Variants in DENND5B observed in about 807,000 individuals in gnomAD.
DENND5B encodes DENN domain-containing protein 5B.
DENND5B carries 34 observed loss-of-function variants against 140.6 expected under a neutral mutation model. The observed-to-expected ratio is 0.24, with a 90% CI of 0.18 to 0.32. The LOEUF (loss-of-function observed/expected upper bound fraction) is 0.32, where lower values mean the gene tolerates loss of function less well. DENND5B is among the 10% of genes least tolerant of loss of function. The pLI is 1.00. For missense variants in DENND5B, 1,142 were observed against 1,560.2 expected (o/e 0.73, Z 4.52); for synonymous variants, 551 against 562.1 (o/e 0.98, Z 0.28).
rs149893561 is a variant in DENND5B at position 31,583,161 on chromosome 12, G to A, written c.127+7545C>T. ...ACAAAAAGTAGCCAGGTGTGGTGGCGTGTGCCTGTAATCCCAGCTACTCAG... is the reference window on the plus strand; with the variant it reads ...ACAAAAAGTAGCCAGGTGTGGTGGCATGTGCCTGTAATCCCAGCTACTCAG... On this transcript the variant is annotated intron_variant, in intron 1 of 20. Transcript: ENST00000389082. Among the ~76,000 whole-genome samples the A allele has an allele frequency of 3.2e-4, 49 of 152,066 alleles. No individual in the cohort carries two copies. The East Asian group carries it at 9.1e-3, about 28-fold the overall frequency.
intron 1 of DENND5B, among the ~76,000 whole-genome samples, chr12:31,564,561 CTATTA>C (rs1555174408): frequency 7.3e-6 from 1 of 136,062 alleles, no homozygotes; most frequent in Non-Finnish European, 1.6e-5. Flanking sequence ...TCTTTTCATT[CTATTA>C]TTATTATTAT....
chr12:31,512,162 G>A (rs147489987), intron 1 of DENND5B, among the ~76,000 whole-genome samples: 10,629 of 151,558 alleles, frequency 0.07, 476 homozygotes, highest in Middle Eastern at 0.2. Flanking sequence ...TGATCTGCCC[G>A]CCTCGGCCTC....
At chr12:31,437,205 C>G (rs915958576) in intron 7 of DENND5B, among the ~76,000 whole-genome samples, 2 of 150,768 alleles carry the variant, frequency 1.3e-5, no homozygotes, top group Admixed American at 1.3e-4. Flanking sequence ...TGCAGTGGCA[C>G]AATCTTGGCT....
chr12:31,580,891 A>G (rs867063746), intron 1 of DENND5B, among the ~76,000 whole-genome samples: 4 of 152,214 alleles, frequency 2.6e-5, no homozygotes, highest in South Asian at 2.1e-4. Context: ...GGATCCCTTG[A>G]GCCCAGGAGT....
intron 17 of DENND5B, among the ~76,000 whole-genome samples, chr12:31,394,834 C>T (rs991449206): frequency 3.9e-5 from 6 of 152,164 alleles, no homozygotes; most frequent in Middle Eastern, 3.4e-3. Flanking sequence ...AGGATGGTCT[C>T]GATCTGCTGA....
At chr12:31,417,356 C>CAAAAAAAAAAAAA (rs767142927) in intron 11 of DENND5B, among the ~76,000 whole-genome samples, 1 of 40,090 alleles carries the variant, frequency 2.5e-5, no homozygotes, top group Non-Finnish European at 5.4e-5. Flanking sequence ...GACTCTGTCT[C>CAAAAAAAAAAAAA]AAAAAAAAAA....
intron 1 of DENND5B, among the ~76,000 whole-genome samples, chr12:31,504,604 C>T (rs182970054): frequency 1.6e-4 from 24 of 152,308 alleles, no homozygotes; most frequent in African/African-American, 5.1e-4. Flanking sequence ...CACTCTCCTC[C>T]CTAAACCTTC....
chr12:31,587,152 C>G (rs1051655242), intron 1 of DENND5B, among the ~76,000 whole-genome samples: 1 of 152,082 alleles, frequency 6.6e-6, no homozygotes, highest in Non-Finnish European at 1.5e-5. Context: ...TATACTCAAC[C>G]CTTAAGTAAT....
chr12:31,513,288 T>C (rs1591958832), intron 1 of DENND5B, among the ~76,000 whole-genome samples: 1 of 152,190 alleles, frequency 6.6e-6, no homozygotes, highest in African/African-American at 2.4e-5. Context: ...TAAGATAGTG[T>C]TCTTCAGGCT....
intron 1 of DENND5B, among the ~76,000 whole-genome samples, chr12:31,512,499 T>G (rs1947467315): frequency 6.6e-6 from 1 of 152,000 alleles, no homozygotes; most frequent in Non-Finnish European, 1.5e-5. Context: ...CTCAAAGTGC[T>G]GGGATTAGAG....
intron 6 of DENND5B, 106 bp downstream of exon 6, chr12:31,447,432 T>A (rs1339420436): frequency 6.0e-6 from 6 of 1,004,894 alleles, no homozygotes; most frequent in Non-Finnish European, 8.6e-6. Context: ...GGATTAGCCA[T>A]GAAGTCTAAA....
intron 4 of DENND5B, among the ~76,000 whole-genome samples, chr12:31,457,760 C>T (rs1565598312): frequency 6.6e-6 from 1 of 151,588 alleles, no homozygotes; most frequent in African/African-American, 2.4e-5. Context: ...GTCGCCCAGG[C>T]TGGAGTGCAG....
chr12:31,425,041 G>A (rs1052452603), intron 9 of DENND5B, among the ~76,000 whole-genome samples: 1 of 152,168 alleles, frequency 6.6e-6, no homozygotes, highest in Non-Finnish European at 1.5e-5. Context: ...GGCTGGGCAT[G>A]GTGGCTCACA....
At chr12:31,530,839 G>A (rs903736194) in intron 1 of DENND5B, among the ~76,000 whole-genome samples, 3 of 152,316 alleles carry the variant, frequency 2.0e-5, no homozygotes, top group Admixed American at 2.0e-4. Flanking sequence ...TTAAGTTGCT[G>A]CTATCAAAGT....
chr12:31,469,243 A>C (rs1270060633), intron 3 of DENND5B, among the ~76,000 whole-genome samples: 1 of 151,272 alleles, frequency 6.6e-6, no homozygotes, highest in Non-Finnish European at 1.5e-5. Flanking sequence ...CTGAGGCAGG[A>C]GAATCACCTG....
chr12:31,448,928 T>C (rs1017102349), intron 5 of DENND5B, among the ~76,000 whole-genome samples: 1 of 152,262 alleles, frequency 6.6e-6, no homozygotes, highest in African/African-American at 2.4e-5. Flanking sequence ...CAATAAGCTG[T>C]ACACCTTTCC....
intron 7 of DENND5B, among the ~76,000 whole-genome samples, chr12:31,435,264 A>ACCCT (rs1943691215): frequency 6.6e-6 from 1 of 152,136 alleles, no homozygotes; most frequent in African/African-American, 2.4e-5. Flanking sequence ...ACCCTCAGGT[A>ACCCT]CCCTTGCCTC....
chr12:31,424,492 G>A (rs1663656242), intron 10 of DENND5B, 43 bp downstream of exon 10: 2 of 1,564,584 alleles, frequency 1.3e-6, no homozygotes, highest in Non-Finnish European at 1.7e-6. Context: ...TCTTAACAGG[G>A]CTCTTAACTG....
rs998383355 is a variant in DENND5B at position 31,591,003 on chromosome 12, C to A, written c.-171G>T. On this transcript the variant is annotated 5_prime_UTR_variant, in exon 1 of 21. Transcript: ENST00000389082. ...CCGCAGCCTGCCTCCTCGCTCGGCG[C>A]GGGGGAAGCGGCCGCGGGCTCGCGC... 9 of 711,172 alleles carry A rather than the reference C, an allele frequency of 1.3e-5. No homozygotes were observed. The South Asian group carries it at 4.4e-4, about 35-fold the overall frequency. 44.1% of individuals were successfully genotyped at this position (711,172 alleles called of 1,614,324 possible). A position where few individuals can be genotyped will look rare whatever the true frequency, so the allele number is the denominator to read the frequency against.
Sources: gnomAD v4.1 joint callset for allele counts (sites outside exome capture counted in the v4.1 genomes callset) on GRCh38, gnomAD v4.1.1 for gene constraint, MANE v1.5 for transcripts, NCBI Gene and HGNC (gene_info 2026-07-23, HGNC 2026-07-21) for gene names.